Variants in DACH1 observed in about 807,000 individuals in gnomAD.
DACH1 encodes the protein dachshund family transcription factor 1.
A neutral mutation model predicts 54.2 loss-of-function variants in DACH1; 12 were observed. The ratio of observed to expected loss-of-function variants is 0.22; its 90% CI spans 0.14 to 0.36. The LOEUF is 0.36. DACH1 is among the 10% of genes least tolerant of loss of function. The pLI, the probability that DACH1 is intolerant of heterozygous loss-of-function variation, is 1.00. For synonymous variants in DACH1, 386 were observed against 366.2 expected, an observed-to-expected ratio of 1.05 and a Z score of -0.62; for missense variants, 805 against 929.8, an observed-to-expected ratio of 0.87 and a Z score of 1.75.
intron 1 of DACH1, among the ~76,000 whole-genome samples, chr13:71,715,488 G>A (rs1350760388): frequency 6.6e-6 from 1 of 152,010 alleles, no homozygotes; most frequent in Non-Finnish European, 1.5e-5. Flanking sequence ...TAAGAAGGCG[G>A]TTTCCTATAT....
intron 1 of DACH1, among the ~76,000 whole-genome samples, chr13:71,692,227 A>ACCCAAT (rs1213582911): frequency 1.3e-5 from 2 of 152,098 alleles, no homozygotes; most frequent in Non-Finnish European, 2.9e-5. Context: ...GGTCAAAGGG[A>ACCCAAT]AAGGTTTACA....
At chr13:71,790,017 T>C (rs1001279680) in intron 1 of DACH1, among the ~76,000 whole-genome samples, 2 of 152,136 alleles carry the variant, frequency 1.3e-5, no homozygotes, top group African/African-American at 4.8e-5. Flanking sequence ...ACCAGAAATA[T>C]CTGGGAGTGT....
chr13:71,553,549 T>TTATA (rs1188595454), intron 6 of DACH1, among the ~76,000 whole-genome samples: 1 of 145,944 alleles, frequency 6.9e-6, no homozygotes, highest in Non-Finnish European at 1.5e-5. Context: ...AACTTTTGTT[T>TTATA]TATATATATA....
intron 1 of DACH1, among the ~76,000 whole-genome samples, chr13:71,821,634 G>C (rs914328159): frequency 6.6e-6 from 1 of 151,940 alleles, no homozygotes; most frequent in African/African-American, 2.4e-5. Flanking sequence ...GATGATGAGA[G>C]TACAGTTCTA....
intron 3 of DACH1, among the ~76,000 whole-genome samples, chr13:71,601,457 G>A (rs569400525): frequency 5.3e-5 from 8 of 151,758 alleles, no homozygotes; most frequent in Non-Finnish European, 1.2e-4. Context: ...ACTTTTTCTT[G>A]CTTTCTGTTC....
At chr13:71,484,879 T>C (rs568398034) in intron 7 of DACH1, among the ~76,000 whole-genome samples, 19 of 152,020 alleles carry the variant, frequency 1.2e-4, no homozygotes, top group African/African-American at 4.3e-4. Context: ...CTGGCCAACA[T>C]GGTGAAATGC....
At chr13:71,798,323 C>CATATATATATATATATAT (rs35310464) in intron 1 of DACH1, among the ~76,000 whole-genome samples, 1 of 96,466 alleles carries the variant, frequency 1.0e-5, no homozygotes. Flanking sequence ...TTGTTACATA[C>CATATATATATATATATAT]ATATATATAT....
intron 6 of DACH1, among the ~76,000 whole-genome samples, chr13:71,492,085 G>GTT (rs763888359): frequency 6.7e-6 from 1 of 150,282 alleles, no homozygotes; most frequent in African/African-American, 2.4e-5. Context: ...GTAATTTCTT[G>GTT]TTTTTTTTTG....
intron 6 of DACH1, among the ~76,000 whole-genome samples, chr13:71,496,295 A>G (rs1440977411): frequency 7.6e-6 from 1 of 131,490 alleles, no homozygotes; most frequent in Admixed American, 8.1e-5. Flanking sequence ...ATATATATAT[A>G]TATATATATA....
intron 1 of DACH1, among the ~76,000 whole-genome samples, chr13:71,716,621 GA>G (rs1423373759): frequency 1.3e-5 from 2 of 151,988 alleles, no homozygotes; most frequent in Non-Finnish European, 2.9e-5. Flanking sequence ...TTGTATCATG[GA>G]ATACCATAGT....
chr13:71,598,027 C>T (rs1432043691), intron 3 of DACH1, among the ~76,000 whole-genome samples: 1 of 150,962 alleles, frequency 6.6e-6, no homozygotes, highest in South Asian at 2.1e-4. Context: ...TTACAGTGAG[C>T]CCAGAGGGCT....
chr13:71,519,908 T>TATATATATATATATATATATATA (rs1566312779), intron 6 of DACH1, among the ~76,000 whole-genome samples: 4 of 135,690 alleles, frequency 2.9e-5, no homozygotes, highest in Non-Finnish European at 4.8e-5. Context: ...TATATATATA[T>TATATATATATATATATATATATA]CCTAACTAAC....
chr13:71,748,904 CTTTCTT>C lies in DACH1; in HGVS notation c.849-67000_849-66995del, dbSNP rs1566476930. ...TTTCTTTCTTTCTTTCTTTCTCTTTCTTTCTTTCTTTCTTTCTTTCTTTCTTTCTTT... is the reference window on the plus strand; with the variant it reads ...TTTCTTTCTTTCTTTCTTTCTCTTTCTCTTTCTTTCTTTCTTTCTTTCTTT... On this transcript the variant is annotated intron_variant, in intron 1 of 10. Coordinates refer to ENST00000613252, the MANE Select transcript of DACH1 (RefSeq NM_080759.6). 8.0e-3 allele frequency among the ~76,000 whole-genome samples: 217 copies of C among 27,080 alleles called. 1 individual carries two copies. The highest frequency in any genetic ancestry group is 0.017 in the African/African-American group (176 of 10,612). 17.8% of individuals were successfully genotyped at this position (27,080 alleles called of 152,430 possible). A position where few individuals can be genotyped will look rare whatever the true frequency, so the allele number is the denominator to read the frequency against.
intron 1 of DACH1, among the ~76,000 whole-genome samples, chr13:71,807,419 CAAAAAAAA>C (rs10688170): frequency 1.0e-5 from 1 of 99,722 alleles, no homozygotes; most frequent in African/African-American, 4.1e-5. Flanking sequence ...TCACAGATTG[CAAAAAAAA>C]AAAAAAAAAA....
At chr13:71,719,962 A>T (rs1229306712) in intron 1 of DACH1, among the ~76,000 whole-genome samples, 3 of 152,172 alleles carry the variant, frequency 2.0e-5, no homozygotes, top group Admixed American at 2.0e-4. Flanking sequence ...TTTTGGTTCA[A>T]TATTTATTGA....
chr13:71,534,869 C>G (rs1182424830), intron 6 of DACH1, among the ~76,000 whole-genome samples: 1 of 151,682 alleles, frequency 6.6e-6, no homozygotes, highest in Non-Finnish European at 1.5e-5. Flanking sequence ...TAAAACTGTG[C>G]ACTTAATTTT....
intron 2 of DACH1, among the ~76,000 whole-genome samples, chr13:71,653,879 C>T (rs1368737563): frequency 6.6e-6 from 1 of 151,964 alleles, no homozygotes; most frequent in Non-Finnish European, 1.5e-5. Flanking sequence ...GTATATTTGA[C>T]ATTTTCTACA....
chr13:71,623,022 T>A (rs1299987177), intron 3 of DACH1, among the ~76,000 whole-genome samples: 2 of 151,884 alleles, frequency 1.3e-5, no homozygotes, highest in Non-Finnish European at 1.5e-5. Flanking sequence ...CTTATCTGCA[T>A]CAAAAATACA....
intron 1 of DACH1, among the ~76,000 whole-genome samples, chr13:71,857,067 T>C (rs1377614611): frequency 6.6e-6 from 1 of 151,882 alleles, no homozygotes; most frequent in Non-Finnish European, 1.5e-5. Flanking sequence ...ATCAAGCACA[T>C]GTAGTGTCAT....
Sources: allele counts gnomAD v4.1 joint callset (sites outside exome capture counted in the v4.1 genomes callset), GRCh38; gene constraint gnomAD v4.1.1; transcripts MANE v1.5; gene names NCBI Gene and HGNC (gene_info 2026-07-23, HGNC 2026-07-21).